Variants in MAD1L1 observed in about 807,000 individuals in gnomAD.
MAD1L1 encodes the protein mitotic spindle assembly checkpoint protein MAD1.
In MAD1L1, 95 loss-of-function variants were observed where a neutral mutation model predicts 96.9. The ratio of observed to expected loss-of-function variants is 0.98; its 90% CI spans 0.83 to 1.16. MAD1L1 has a LOEUF of 1.16. Among genes scored for constraint, MAD1L1 ranks in the 50% most tolerant of loss-of-function variants. The pLI is 0.00. For missense variants in MAD1L1, 1,007 were observed against 954.4 expected (o/e 1.06, Z -0.73); for synonymous variants, 473 against 396.6 (o/e 1.19, Z -2.29).
rs374152324 is a variant in MAD1L1, at chr7:2,216,297, G to A, written c.679-10C>T. On this transcript the variant is annotated splice_polypyrimidine_tract_variant and intron_variant, in intron 7 of 18. Transcript: ENST00000265854. Reference sequence around the variant, plus strand: ...GCTTCTGCTCCAGATCCTGATGGAGGCCAGGGACAGAGAAGAAGGGAAAAA... The same window carrying A: ...GCTTCTGCTCCAGATCCTGATGGAGACCAGGGACAGAGAAGAAGGGAAAAA... 200 of 1,611,668 alleles carry A rather than the reference G, an allele frequency of 1.2e-4. No individual in the cohort carries two copies. Among genetic ancestry groups the A allele is most frequent in the Non-Finnish European group, 4.2e-5 (49 of 1,179,422 alleles).
chr7:1,913,226 G>T (rs371857835), intron 17 of MAD1L1, among the ~76,000 whole-genome samples: 1 of 152,108 alleles, frequency 6.6e-6, no homozygotes, highest in South Asian at 2.1e-4. Context: ...AGAGGACACG[G>T]AACTGCTCCA....
rs550163524 is a variant in MAD1L1, at chr7:2,056,562, C to T, written c.1218+12632G>A. ...GGAAGGAAGTACAAGACTGGCTCCA[C>T]GACCCATCTGCAAAGCGACCCAGGA... On this transcript the variant is annotated intron_variant, in intron 12 of 18. Transcript: ENST00000265854. Among the ~76,000 whole-genome samples, 33 of 152,316 alleles carry T rather than the reference C, an allele frequency of 2.2e-4. No homozygotes were observed. In the South Asian group the frequency reaches 6.4e-3, roughly 30 times the overall value.
chr7:1,874,096 G>A (rs1200581561), intron 18 of MAD1L1, among the ~76,000 whole-genome samples: 1 of 152,230 alleles, frequency 6.6e-6, no homozygotes, highest in Non-Finnish European at 1.5e-5. Context: ...GGGGATCCCG[G>A]GACGGTGTTC....
In MAD1L1 at chr7:2,048,056, AAC is replaced by A. The variant is rs551298756; in HGVS notation, c.1218+21136_1218+21137del. ...ATGGACACACACATACACAGCACTC[AAC>A]ACAGATATGCACACACGTCTCCTAC... is the stretch of plus-strand genomic sequence containing the variant. On this transcript the variant is annotated intron_variant, in intron 12 of 18. Transcript: ENST00000265854. 4.4e-3 allele frequency among the ~76,000 whole-genome samples: 665 copies of A among 152,298 alleles called. 3 individuals are homozygous for A. The highest frequency in any genetic ancestry group is 0.014 in the Middle Eastern group (4 of 294).
chr7:2,035,175 C>T (rs1409017522), intron 12 of MAD1L1, among the ~76,000 whole-genome samples: 1 of 152,268 alleles, frequency 6.6e-6, no homozygotes, highest in African/African-American at 2.4e-5. Context: ...CCACAGACAA[C>T]CCCAGGGACA....
At chr7:2,144,682 G>A (rs550767359) in intron 11 of MAD1L1, among the ~76,000 whole-genome samples, 38 of 152,248 alleles carry the variant, frequency 2.5e-4, no homozygotes, top group Admixed American at 1.7e-3. Context: ...AAGAGGGCCC[G>A]GAAAGGGAAG....
intron 10 of MAD1L1, chr7:2,209,878 T>C (rs1395129767): frequency 6.6e-6 from 1 of 152,328 alleles, no homozygotes; most frequent in Non-Finnish European, 1.5e-5. Context: ...GAGGCACGCA[T>C]GTCTCCACAC....
chr7:2,209,269 C>G (rs1395040837), intron 10 of MAD1L1, among the ~76,000 whole-genome samples: 1 of 152,164 alleles, frequency 6.6e-6, no homozygotes, highest in African/African-American at 2.4e-5. Flanking sequence ...AAGAGGGTGA[C>G]CAGGCCACTC....
intron 15 of MAD1L1, among the ~76,000 whole-genome samples, chr7:1,969,897 G>T (rs1780329276): frequency 6.6e-6 from 1 of 152,240 alleles, no homozygotes; most frequent in Non-Finnish European, 1.5e-5. Context: ...AGCCATCTGT[G>T]TCAGGGAGAA....
intron 18 of MAD1L1, among the ~76,000 whole-genome samples, chr7:1,835,444 C>G (rs1050325091): frequency 1.3e-5 from 2 of 152,146 alleles, no homozygotes; most frequent in Non-Finnish European, 2.9e-5. Context: ...GCTACTGGAA[C>G]TAACACATGA....
intron 18 of MAD1L1, among the ~76,000 whole-genome samples, chr7:1,881,873 A>T (rs1483329322): frequency 1.3e-5 from 2 of 152,190 alleles, no homozygotes; most frequent in African/African-American, 4.8e-5. Context: ...TTAAGCCATG[A>T]GGAATTCTCT....
chr7:2,047,021 C>T (rs2128514805), intron 12 of MAD1L1, among the ~76,000 whole-genome samples: 1 of 152,310 alleles, frequency 6.6e-6, no homozygotes, highest in Admixed American at 6.5e-5. Flanking sequence ...CACATCCATG[C>T]CCCAATGCCA....
chr7:2,126,615 C>T (rs1450136608), intron 11 of MAD1L1, among the ~76,000 whole-genome samples: 2 of 152,212 alleles, frequency 1.3e-5, no homozygotes, highest in Non-Finnish European at 2.9e-5. Context: ...CAAGCACAAC[C>T]CAGGCCCAGC....
intron 12 of MAD1L1, among the ~76,000 whole-genome samples, chr7:2,056,335 G>A (rs953051793): frequency 4.6e-5 from 7 of 152,248 alleles, no homozygotes; most frequent in African/African-American, 1.7e-4. Context: ...GAGCAGAAGA[G>A]ACGGCGATCA....
rs188378743 is a variant in MAD1L1 at position 1,967,030 on chromosome 7, C to T, written c.1506-9311G>A. Among the ~76,000 whole-genome samples the T allele has an allele frequency of 2.0e-5, 3 of 152,342 alleles. No individual in the cohort carries two copies. The East Asian group carries it at 5.8e-4, about 29-fold the overall frequency. Reference sequence around the variant, plus strand: ...AACAGATGGCAGCTATCTGGGCTTACAGATAATACCCGGGTCTCTTACTGC... The same window carrying T: ...AACAGATGGCAGCTATCTGGGCTTATAGATAATACCCGGGTCTCTTACTGC... On this transcript the variant is annotated intron_variant, in intron 15 of 18. Coordinates refer to ENST00000265854, the MANE Select transcript of MAD1L1 (RefSeq NM_001013836.2).
At chr7:2,077,619 C>G (rs751219133) in intron 11 of MAD1L1, among the ~76,000 whole-genome samples, 1 of 152,198 alleles carries the variant, frequency 6.6e-6, no homozygotes, top group Non-Finnish European at 1.5e-5. Context: ...CAGCGGGGAG[C>G]AGTGAACTCT....
intron 14 of MAD1L1, among the ~76,000 whole-genome samples, chr7:1,996,232 T>TC (rs55708394): frequency 0.2 from 3,951 of 19,708 alleles, 461 homozygotes; most frequent in Middle Eastern, 0.35. Flanking sequence ...GCGGGCAGGG[T>TC]CCCCCCGGGT....
intron 17 of MAD1L1, among the ~76,000 whole-genome samples, chr7:1,930,780 C>T (rs969385726): frequency 4.6e-5 from 7 of 151,858 alleles, no homozygotes; most frequent in Admixed American, 2.0e-4. Context: ...TCTCAGGCCA[C>T]GCGGCTCCCC....
Position 1,968,448 on chromosome 7 carries a change from A to G in MAD1L1, c.1506-10729T>C, listed in dbSNP as rs1481288143. ...GATCAGGTCCACCGTCAACGCCAGC[A>G]GTCATGTCCACCATCAATGCCTCAG... On this transcript the variant is annotated intron_variant, in intron 15 of 18. Transcript: ENST00000265854. This position sits in a 1 kb window ranked among gnomAD's most constrained non-coding sequence, Gnocchi z 5.6. 7.5e-6 allele frequency among the ~76,000 whole-genome samples: 1 copy of G among 134,080 alleles called. No homozygotes were observed. Among genetic ancestry groups the G allele is most frequent in the Non-Finnish European group, 1.6e-5 (1 of 63,866 alleles). The allele number at this position is 134,080 out of a possible 152,430, so 88.0% of individuals were successfully genotyped here. A position where few individuals can be genotyped will look rare whatever the true frequency, so the allele number is the denominator to read the frequency against.
Sources: allele counts gnomAD v4.1 joint callset (sites outside exome capture counted in the v4.1 genomes callset), GRCh38; gene constraint gnomAD v4.1.1; non-coding constraint Gnocchi (gnomAD v3.1); transcripts MANE v1.5; gene names NCBI Gene and HGNC (gene_info 2026-07-23, HGNC 2026-07-21).